The following COL24A1 variants were observed in gnomAD, a reference collection of about 807,000 sequenced individuals.
The protein encoded by COL24A1 is collagen type XXIV alpha 1 chain.
Under a neutral mutation model 253.9 loss-of-function variants are expected in COL24A1, and 224 were observed. The ratio of observed to expected loss-of-function variants is 0.88; its 90% CI spans 0.79 to 0.99. The LOEUF (loss-of-function observed/expected upper bound fraction) is 0.99. Among genes scored for constraint, COL24A1 ranks in the 50% least tolerant of loss-of-function variants. COL24A1 has a pLI of 0.00. For synonymous variants in COL24A1, 685 were observed against 673.7 expected (o/e 1.02, Z -0.26); for missense variants, 2,131 against 2,068.5 (o/e 1.03, Z -0.59).
Position 86,136,816 on chromosome 1 carries a change from C to T in COL24A1, c.121+9303G>A, listed in dbSNP as rs1383473665. 3.9e-5 allele frequency among the ~76,000 whole-genome samples: 6 copies of T among 152,096 alleles called. No individual in the cohort carries two copies. In the South Asian group the frequency reaches 8.3e-4, roughly 21 times the overall value. ...TCAGTGGGGAATACTCTCTAGATAG[C>T]CACCAAAATTGGTACCTGAAGTGAA... On this transcript the variant is annotated intron_variant, in intron 2 of 59. Transcript: ENST00000370571.
intron 12 of COL24A1, among the ~76,000 whole-genome samples, chr1:86,039,154 C>T (rs1290582541): frequency 6.6e-6 from 1 of 151,966 alleles, no homozygotes; most frequent in Non-Finnish European, 1.5e-5. Context: ...TGCAGGGGCC[C>T]TCTAAAGCTC....
intron 1 of COL24A1, chr1:86,155,187 T>G (rs1423029679): frequency 6.6e-6 from 1 of 151,876 alleles, no homozygotes; most frequent in African/African-American, 2.4e-5. Context: ...GAGGTGCATG[T>G]GGTCAGCTGG....
At chr1:85,983,604 C>T (rs1693450060) in intron 20 of COL24A1, among the ~76,000 whole-genome samples, 1 of 151,796 alleles carries the variant, frequency 6.6e-6, no homozygotes, top group African/African-American at 2.4e-5. Flanking sequence ...ATTGTATAGC[C>T]TCAACAGAGC....
At chr1:86,023,067 G>A in intron 14 of COL24A1, 60 bp from the exon 15 acceptor site, 1 of 1,511,808 alleles carries the variant, frequency 6.6e-7, no homozygotes. Context: ...GAAAGAAAAT[G>A]TGGCAGAATT....
chr1:85,829,307 G>T lies in COL24A1; in HGVS notation c.3682-5569C>A, dbSNP rs1558290699. On this transcript the variant is annotated intron_variant, in intron 43 of 59. Transcript: ENST00000370571. ...CAAGAGATCTGCTCTTAGTCTGATG[G>T]GCTTTCCTTTGTGGGTAACCCGACC... is the stretch of plus-strand genomic sequence containing the variant. Among the ~76,000 whole-genome samples, 4 of 151,838 alleles carry T rather than the reference G, an allele frequency of 2.6e-5. 1 individual carries two copies. The highest frequency in any genetic ancestry group is 1.3e-4 in the Admixed American group (2 of 15,172).
intron 28 of COL24A1, among the ~76,000 whole-genome samples, chr1:85,902,345 A>G (rs1286102157): frequency 6.6e-6 from 1 of 152,194 alleles, no homozygotes; most frequent in Non-Finnish European, 1.5e-5. Flanking sequence ...ACACACTTTA[A>G]TGAAGTAACT....
intron 53 of COL24A1, among the ~76,000 whole-genome samples, chr1:85,770,786 G>A (rs1317929278): frequency 6.6e-6 from 1 of 152,168 alleles, no homozygotes; most frequent in African/African-American, 2.4e-5. Flanking sequence ...GCCAGTATAA[G>A]CTACTTTGGT....
intron 7 of COL24A1, 75 bp downstream of exon 7, chr1:86,089,099 C>G: frequency 8.6e-7 from 1 of 1,166,544 alleles, no homozygotes. Flanking sequence ...TGTTTCAGAA[C>G]AGGTATCCCT....
At chr1:86,020,360 G>A (rs547429629) in intron 18 of COL24A1, among the ~76,000 whole-genome samples, 8 of 151,950 alleles carry the variant, frequency 5.3e-5, no homozygotes, top group East Asian at 1.9e-4. Flanking sequence ...GCCACCGCAC[G>A]TGGCCCTAAC....
chr1:86,100,717 C>G (rs1217971565), intron 5 of COL24A1, among the ~76,000 whole-genome samples: 1 of 152,144 alleles, frequency 6.6e-6, no homozygotes, highest in Non-Finnish European at 1.5e-5. Context: ...TCCCCTACCC[C>G]CTCTGCCAGG....
At chr1:85,880,315 C>T (rs1359958709) in intron 32 of COL24A1, among the ~76,000 whole-genome samples, 1 of 152,058 alleles carries the variant, frequency 6.6e-6, no homozygotes, top group South Asian at 2.1e-4. Context: ...TCCAATTGCT[C>T]ATTGCTGTTA....
chr1:86,146,292 T>A (rs1337896089), intron 1 of COL24A1, 109 bp from the exon 2 acceptor site: 2 of 817,994 alleles, frequency 2.4e-6, no homozygotes, highest in African/African-American at 1.8e-5. Flanking sequence ...TTATTTTAAA[T>A]AGCATGATAT....
chr1:85,987,522 A>C, intron 20 of COL24A1, 79 bp downstream of exon 20: 1 of 1,234,298 alleles, frequency 8.1e-7, no homozygotes, highest in Non-Finnish European at 1.2e-6. Context: ...ATATTCCTAA[A>C]ATATTTTTCC....
intron 55 of COL24A1, among the ~76,000 whole-genome samples, chr1:85,759,877 C>T (rs763029673): frequency 2.0e-5 from 3 of 152,064 alleles, no homozygotes; most frequent in Non-Finnish European, 2.9e-5. Context: ...TTGCCAATGA[C>T]GTATGATCCT....
At chr1:86,048,048 T>G (rs961017380) in intron 11 of COL24A1, among the ~76,000 whole-genome samples, 1 of 152,216 alleles carries the variant, frequency 6.6e-6, no homozygotes, top group Non-Finnish European at 1.5e-5. Flanking sequence ...TAAGACTTTA[T>G]GTATATTTAC....
rs560202895 is a variant in COL24A1 at position 85,919,879 on chromosome 1, A to T, written c.2563-8446T>A. On this transcript the variant is annotated intron_variant, in intron 24 of 59. Transcript: ENST00000370571. ...TTAGTGTTATCCTAAAAATACAGTG[A>T]ATTTACGTATTAACATAAAATTGAA... is the stretch of plus-strand genomic sequence containing the variant. 5.3e-5 allele frequency among the ~76,000 whole-genome samples: 8 copies of T among 152,354 alleles called. No individual in the cohort carries two copies. In the South Asian group the frequency reaches 1.4e-3, roughly 28 times the overall value.
At chr1:85,794,916 A>G (rs768670738) in intron 47 of COL24A1, among the ~76,000 whole-genome samples, 5 of 152,246 alleles carry the variant, frequency 3.3e-5, no homozygotes, top group Non-Finnish European at 7.4e-5. Context: ...TCCCTACCGA[A>G]ATAAGTTTTA....
Position 86,125,070 on chromosome 1 carries a change from C to T in COL24A1, c.1266G>A (p.Met422Ile). ...ITANLHTNEL[M>I]EMQPILNTSL... ...TTGTGTTTAAAATTGGTTGCATTTC[C>T]ATGAGTTCGTTAGTGTGTAGATTTG... Residue 422 changes from methionine (M) to isoleucine (I), a missense_variant, in exon 3 of 60, where the codon ATG (methionine) becomes ATA (isoleucine). Coordinates refer to ENST00000370571, the MANE Select transcript of COL24A1 (RefSeq NM_152890.7). 6.2e-7 allele frequency: 1 copy of T among 1,612,920 alleles called. No homozygotes were observed. The highest frequency in any genetic ancestry group is 1.1e-5 in the South Asian group (1 of 90,968).
chr1:85,871,611 A>G (rs1680501661), intron 35 of COL24A1, among the ~76,000 whole-genome samples: 1 of 152,254 alleles, frequency 6.6e-6, no homozygotes. Context: ...GATTATATCA[A>G]CAGATGCAGA....
Sources: gnomAD v4.1 joint callset for allele counts (sites outside exome capture counted in the v4.1 genomes callset) on GRCh38, gnomAD v4.1.1 for gene constraint, MANE v1.5 for transcripts, NCBI Gene and HGNC (gene_info 2026-07-23, HGNC 2026-07-21) for gene names.